Variants in ACACA observed in about 807,000 individuals in gnomAD.
ACACA encodes the protein acetyl-CoA carboxylase 1.
ACACA carries 103 observed loss-of-function variants against 296.1 expected under a neutral mutation model. That is an observed-to-expected ratio of 0.35 (90% CI 0.30 to 0.41). The LOEUF is 0.41. Ranked by LOEUF, ACACA falls within the 10% of genes least tolerant of loss-of-function variation. ACACA has a pLI of 1.00. For missense variants in ACACA, 1,554 were observed against 2,989.7 expected (o/e 0.52, Z 11.20); for synonymous variants, 953 against 1,038.6 (o/e 0.92, Z 1.58).
rs199617800 is a variant in ACACA, at chr17:37,330,298, G to C, written c.213C>G (p.Ser71Arg). 6.7e-5 allele frequency: 108 copies of C among 1,614,082 alleles called. No homozygotes were observed. Among genetic ancestry groups the C allele is most frequent in the Non-Finnish European group, 1.1e-5 (13 of 1,180,054 alleles). ...VSEDNSEDEISNLVKLDLLEE... is the reference protein window; with the variant it reads ...VSEDNSEDEIRNLVKLDLLEE... ...CCAGTAGGTCCAACTTCACCAGGTT[G>C]CTGATCTCATCCTCTGAGTTATCTT... The change falls in exon 3 of 56, where the codon AGC (serine) becomes AGG (arginine). Residue 71 changes from serine (S) to arginine (R), a missense_variant. This residue lies in a region of ACACA where 140 missense variants were observed against 147.7 expected (regional missense o/e 0.95). Transcript: ENST00000616317.
intron 21 of ACACA, 41 bp from the exon 22 acceptor site, chr17:37,243,600 CAATCCCCCA>C: frequency 1.3e-6 from 2 of 1,588,738 alleles, no homozygotes; most frequent in Non-Finnish European, 1.7e-6. Flanking sequence ...CAAGTTAACA[CAATCCCCCA>C]AATAAAAAGA....
At chr17:37,299,393 G>A (rs2083509304) in intron 3 of ACACA, 19 of 1,612,630 alleles carry the variant, frequency 1.2e-5, no homozygotes, top group African/African-American at 2.7e-5. Context: ...AACACAAGCC[G>A]CAGTTCCTCC....
intron 25 of ACACA, among the ~76,000 whole-genome samples, chr17:37,227,728 C>T (rs1420327606): frequency 6.6e-6 from 1 of 151,746 alleles, no homozygotes; most frequent in African/African-American, 2.4e-5. Context: ...GGCGTGGTGG[C>T]GGGCGCCTGT....
chr17:37,226,766 A>G (rs1301361833), intron 25 of ACACA, among the ~76,000 whole-genome samples: 1 of 152,164 alleles, frequency 6.6e-6, no homozygotes, highest in Non-Finnish European at 1.5e-5. Flanking sequence ...CTGAGTAAGA[A>G]ATAATAGATA....
At chr17:37,324,207 A>G (rs1260761865) in intron 3 of ACACA, among the ~76,000 whole-genome samples, 1 of 151,982 alleles carries the variant, frequency 6.6e-6, no homozygotes, top group Non-Finnish European at 1.5e-5. Flanking sequence ...TCTCTACTAC[A>G]AATACAAAAT....
At position 37,235,110 on chromosome 17, in the gene ACACA, T is replaced by A; in HGVS notation, c.3122-11A>T. On this transcript the variant is annotated splice_polypyrimidine_tract_variant and intron_variant, in intron 24 of 55. Coordinates refer to ENST00000616317, the MANE Select transcript of ACACA (RefSeq NM_198834.3). Reference sequence around the variant, plus strand: ...ATTTGTCATAGTGACCTGCACACCATGAAAAGAACTGGTTCTCACCCATGT... The same window carrying A: ...ATTTGTCATAGTGACCTGCACACCAAGAAAAGAACTGGTTCTCACCCATGT... The A allele has an allele frequency of 1.2e-6, 2 of 1,613,160 alleles. No homozygotes were observed. Among genetic ancestry groups the A allele is most frequent in the East Asian group, 4.5e-5 (2 of 44,856 alleles).
chr17:37,153,472 C>G (rs2076120819), intron 43 of ACACA, among the ~76,000 whole-genome samples: 1 of 152,130 alleles, frequency 6.6e-6, no homozygotes, highest in Non-Finnish European at 1.5e-5. Flanking sequence ...GTGCTACATT[C>G]CTTTTGAAAA....
intron 3 of ACACA, among the ~76,000 whole-genome samples, chr17:37,309,664 A>AG (rs954585165): frequency 6.6e-6 from 1 of 152,090 alleles, no homozygotes; most frequent in African/African-American, 2.4e-5. Flanking sequence ...CTATCTTTTC[A>AG]GGGGAACTGA....
intron 3 of ACACA, chr17:37,299,351 T>A: frequency 6.2e-7 from 1 of 1,613,960 alleles, no homozygotes; most frequent in Non-Finnish European, 8.5e-7. Flanking sequence ...GGGAAAAGAA[T>A]GGAAGCTTTT....
chr17:37,298,785 C>T (rs1307640716), intron 3 of ACACA, among the ~76,000 whole-genome samples: 2 of 152,180 alleles, frequency 1.3e-5, no homozygotes, highest in African/African-American at 4.8e-5. Context: ...TAAGAAAGGT[C>T]CCAAAGTGAA....
At chr17:37,313,848 G>A (rs2046959619) in intron 3 of ACACA, among the ~76,000 whole-genome samples, 1 of 152,084 alleles carries the variant, frequency 6.6e-6, no homozygotes, top group South Asian at 2.1e-4. Context: ...CAATCCCATA[G>A]CTAGGTAAAT....
chr17:37,250,944 G>C (rs995101047), intron 16 of ACACA, among the ~76,000 whole-genome samples: 2 of 151,496 alleles, frequency 1.3e-5, no homozygotes, highest in South Asian at 4.2e-4. Flanking sequence ...GGAGAATGGC[G>C]TGAACCCGAG....
At chr17:37,198,098 T>A (rs1422125531) in intron 35 of ACACA, among the ~76,000 whole-genome samples, 1 of 152,214 alleles carries the variant, frequency 6.6e-6, no homozygotes, top group East Asian at 1.9e-4. Context: ...TTTAAAGCTG[T>A]TAAGTATACT....
intron 50 of ACACA, among the ~76,000 whole-genome samples, chr17:37,121,060 A>G (rs963139554): frequency 2.0e-5 from 3 of 152,186 alleles, no homozygotes; most frequent in Non-Finnish European, 4.4e-5. Context: ...AGTCACAATC[A>G]TATTTCCCCA....
chr17:37,155,825 T>A, intron 42 of ACACA, 45 bp from the exon 43 acceptor site: 4 of 1,284,054 alleles, frequency 3.1e-6, no homozygotes, highest in Non-Finnish European at 4.5e-6. Context: ...GCCATTGTCA[T>A]ATAATCAGAA....
At chr17:37,260,817 T>G (rs62069551) in intron 11 of ACACA, among the ~76,000 whole-genome samples, 3,058 of 152,110 alleles carry the variant, frequency 0.02, 55 homozygotes, top group Non-Finnish European at 0.029. Context: ...ATAAAACACT[T>G]CCACCAGCCC....
At chr17:37,166,980 C>T (rs1372327818) in intron 41 of ACACA, among the ~76,000 whole-genome samples, 6 of 151,790 alleles carry the variant, frequency 4.0e-5, no homozygotes, top group South Asian at 2.1e-4. Flanking sequence ...AGTCTTGCTC[C>T]GTCACCCAGG....
chr17:37,142,196 T>G (rs1178058362), intron 45 of ACACA, among the ~76,000 whole-genome samples: 2 of 152,116 alleles, frequency 1.3e-5, no homozygotes, highest in Non-Finnish European at 2.9e-5. Flanking sequence ...TCTTAGACTC[T>G]AAGCCACCAT....
chr17:37,329,193 T>C (rs1011271780), intron 3 of ACACA, among the ~76,000 whole-genome samples: 1 of 152,170 alleles, frequency 6.6e-6, no homozygotes, highest in Non-Finnish European at 1.5e-5. Flanking sequence ...GACAATCTGA[T>C]GAATTAGTTC....
Sources: gnomAD v4.1 joint callset for allele counts (sites outside exome capture counted in the v4.1 genomes callset) on GRCh38, gnomAD v4.1.1 for gene constraint, gnomAD v4.1.1 regional missense constraint, MANE v1.5 for transcripts, NCBI Gene and HGNC (gene_info 2026-07-23, HGNC 2026-07-21) for gene names.